The following ADRA1B variants were observed in gnomAD, a reference collection of about 807,000 sequenced individuals.
ADRA1B encodes alpha-1B adrenergic receptor.
A neutral mutation model predicts 17.9 loss-of-function variants in ADRA1B; 17 were observed. The observed-to-expected ratio is 0.95, with a 90% CI of 0.65 to 1.42. ADRA1B has a LOEUF of 1.42. ADRA1B is among the 40% of genes most tolerant of loss of function. The probability of loss-of-function intolerance (pLI) is 0.00; values close to 1 mark genes in which losing one functional copy is unlikely to be tolerated. For missense variants in ADRA1B, 681 were observed against 722.1 expected (o/e 0.94, Z 0.65); for synonymous variants, 366 against 327.6 (o/e 1.12, Z -1.27).
chr5:159,885,633 A>T (rs1050495833), intron 1 of ADRA1B, among the ~76,000 whole-genome samples: 2 of 152,220 alleles, frequency 1.3e-5, no homozygotes, highest in African/African-American at 4.8e-5. Context: ...ACAAAACAGA[A>T]ATATGGGGAA....
chr5:159,933,586 T>C lies in ADRA1B; in HGVS notation c.949+15732T>C, dbSNP rs1754872000. Among the ~76,000 whole-genome samples the C allele has an allele frequency of 1.3e-5, 2 of 152,194 alleles. 1 individual carries two copies. The highest frequency in any genetic ancestry group is 4.1e-4 in the South Asian group (2 of 4,832). On this transcript the variant is annotated intron_variant, in intron 1 of 1. Coordinates refer to ENST00000306675, the MANE Select transcript of ADRA1B (RefSeq NM_000679.4). ...TCCTTGCAGCTAATTTGGTGTCAGTTTTCCAGAGTTCAGGGCTAGCTAGCT... is the reference window on the plus strand; with the variant it reads ...TCCTTGCAGCTAATTTGGTGTCAGTCTTCCAGAGTTCAGGGCTAGCTAGCT...
At chr5:159,946,852 G>A (rs207466520) in intron 1 of ADRA1B, among the ~76,000 whole-genome samples, 2 of 152,202 alleles carry the variant, frequency 1.3e-5, no homozygotes, top group Non-Finnish European at 2.9e-5. Context: ...GTAGGACCAC[G>A]ACACATGAGT....
At chr5:159,912,435 G>A (rs1293189703), upstream of ADRA1B, among the ~76,000 whole-genome samples, 2 of 152,224 alleles carry the variant, frequency 1.3e-5, no homozygotes, top group African/African-American at 4.8e-5. Context: ...GGCCTGGAAG[G>A]CAAGGAAGAC....
At chr5:159,923,042 A>G (rs1349814924) in intron 1 of ADRA1B, among the ~76,000 whole-genome samples, 1 of 152,264 alleles carries the variant, frequency 6.6e-6, no homozygotes, top group Non-Finnish European at 1.5e-5. Context: ...AATTCAGTGA[A>G]GGGGGCTGAT....
chr5:159,915,409 T>C (rs1197261941), upstream of ADRA1B, among the ~76,000 whole-genome samples: 1 of 152,212 alleles, frequency 6.6e-6, no homozygotes, highest in African/African-American at 2.4e-5. Flanking sequence ...AAAATAAATG[T>C]TGGATAAATG....
chr5:159,982,495 A>G, the ADRA1B span, among the ~76,000 whole-genome samples: 8 of 152,214 alleles, frequency 5.3e-5, no homozygotes, highest in Non-Finnish European at 1.0e-4. Flanking sequence ...AGAACAACAC[A>G]TCAATGAGGT....
In ADRA1B at chr5:159,969,337, G is replaced by A. The variant is rs74855453; in HGVS notation, c.950-2542G>A. 5.5e-3 allele frequency among the ~76,000 whole-genome samples: 838 copies of A among 152,318 alleles called. 6 individuals carry two copies. The highest frequency in any genetic ancestry group is 0.019 in the African/African-American group (796 of 41,562). ...CCAGCAGCCACTACTGAGTTACTGG[G>A]CAGAGAATTAGGAGTCAGGCTCCTG... On this transcript the variant is annotated intron_variant, in intron 1 of 1. Coordinates refer to ENST00000306675, the MANE Select transcript of ADRA1B (RefSeq NM_000679.4).
intron 1 of ADRA1B, among the ~76,000 whole-genome samples, chr5:159,878,249 G>A (rs539293162): frequency 1.6e-4 from 25 of 152,320 alleles, no homozygotes; most frequent in Middle Eastern, 3.4e-3. Context: ...CAAGGTAAGG[G>A]TCAAGGACTA....
rs942798204 is a variant in ADRA1B, at chr5:159,955,051, T to A, written c.950-16828T>A. ...GCTGGAACCTGGAGAATGGCATGCA[T>A]TCAGCAGCAAAGACTAATCATTTCA... On this transcript the variant is annotated intron_variant, in intron 1 of 1. Coordinates refer to ENST00000306675, the MANE Select transcript of ADRA1B (RefSeq NM_000679.4). 6.7e-5 allele frequency: 49 copies of A among 726,686 alleles called. No homozygotes were observed. The African/African-American group carries it at 8.9e-4, about 13-fold the overall frequency. 45.0% of individuals were successfully genotyped at this position (726,686 alleles called of 1,614,324 possible). A position where few individuals can be genotyped will look rare whatever the true frequency, so the allele number is the denominator to read the frequency against.
intron 1 of ADRA1B, among the ~76,000 whole-genome samples, chr5:159,968,732 T>C (rs1755817180): frequency 1.3e-5 from 2 of 152,158 alleles, no homozygotes; most frequent in African/African-American, 2.4e-5. Context: ...CCTCCCTCAC[T>C]CTACTTCTTC....
intron 1 of ADRA1B, among the ~76,000 whole-genome samples, chr5:159,939,278 A>AGTGTGTGT (rs70987981): frequency 2.0e-5 from 2 of 98,312 alleles, no homozygotes; most frequent in African/African-American, 7.7e-5. Context: ...AGAGAGAGAG[A>AGTGTGTGT]GTGTGTGTGT....
chr5:159,906,897 A>C (rs549133005), intron 1 of ADRA1B, among the ~76,000 whole-genome samples: 1 of 152,246 alleles, frequency 6.6e-6, no homozygotes, highest in Non-Finnish European at 1.5e-5. Flanking sequence ...TTGAAAATAC[A>C]AATTCCCTGG....
chr5:159,977,027 A>G (rs1755982806), downstream of ADRA1B, among the ~76,000 whole-genome samples: 1 of 152,238 alleles, frequency 6.6e-6, no homozygotes, highest in Non-Finnish European at 1.5e-5. Flanking sequence ...CACAGAGTAG[A>G]CACTATTTTT....
upstream of ADRA1B, chr5:159,916,266 C>G (rs939284314): frequency 2.6e-4 from 40 of 152,170 alleles, no homozygotes; most frequent in African/African-American, 9.2e-4. Context: ...GTGGGTGACC[C>G]GCGATCTCCA....
chr5:159,943,611 C>A (rs538172049), intron 1 of ADRA1B, among the ~76,000 whole-genome samples: 3 of 152,068 alleles, frequency 2.0e-5, no homozygotes, highest in Non-Finnish European at 2.9e-5. Context: ...CCTCGAAATT[C>A]TTTTATGCTT....
intron 1 of ADRA1B, among the ~76,000 whole-genome samples, chr5:159,923,333 T>C (rs1754543102): frequency 6.6e-6 from 1 of 152,260 alleles, no homozygotes; most frequent in Non-Finnish European, 1.5e-5. Flanking sequence ...GTGTGGAGCA[T>C]ACACTTCAGA....
In ADRA1B at chr5:159,917,033, C is replaced by T. The variant is rs149660268; in HGVS notation, c.128C>T (p.Thr43Ile). 636 of 1,614,080 alleles carry T rather than the reference C, an allele frequency of 3.9e-4. 1 individual carries two copies. Among genetic ancestry groups the T allele is most frequent in the Admixed American group, 3.7e-4 (22 of 60,008 alleles). The change falls in exon 1 of 2, where the codon ACC becomes ATC. Residue 43 changes from threonine to isoleucine, a missense_variant. Coordinates refer to ENST00000306675, the MANE Select transcript of ADRA1B (RefSeq NM_000679.4). The part of the protein sequence containing the change: ...SNSTLPQLDI[T>I]RAISVGLVLG... Reference sequence around the variant, plus strand: ...TCCACACTGCCCCAGCTGGACATCACCAGGGCCATCTCTGTGGGCCTGGTG... The same window carrying T: ...TCCACACTGCCCCAGCTGGACATCATCAGGGCCATCTCTGTGGGCCTGGTG...
At chr5:159,934,462 T>G (rs528320318) in intron 1 of ADRA1B, among the ~76,000 whole-genome samples, 13 of 152,074 alleles carry the variant, frequency 8.5e-5, no homozygotes, top group African/African-American at 3.1e-4. Flanking sequence ...TGAGACACCC[T>G]TGTTAGCTCT....
chr5:159,939,244 T>C (rs1277854767), intron 1 of ADRA1B, among the ~76,000 whole-genome samples: 1 of 148,474 alleles, frequency 6.7e-6, no homozygotes, highest in East Asian at 2.1e-4. Context: ...GAGGCTCCTT[T>C]CTTTGAAGGA....
Sources: allele counts gnomAD v4.1 joint callset (sites outside exome capture counted in the v4.1 genomes callset), GRCh38; gene constraint gnomAD v4.1.1; transcripts MANE v1.5; gene names NCBI Gene and HGNC (gene_info 2026-07-23, HGNC 2026-07-21).